CAST: variants seen among roughly 807,000 people sequenced by gnomAD.
CAST encodes calpastatin.
Under a neutral mutation model 119.6 loss-of-function variants are expected in CAST, and 76 were observed. That is an observed-to-expected ratio of 0.64 (90% CI 0.53 to 0.77). The LOEUF is 0.77. CAST is among the 30% of genes least tolerant of loss of function. The pLI is 0.00. For missense variants in CAST, 953 were observed against 946.5 expected, an observed-to-expected ratio of 1.01 and a Z score of -0.09; for synonymous variants, 319 against 331.6, an observed-to-expected ratio of 0.96 and a Z score of 0.41.
chr5:96,771,698 A>T lies in CAST; in HGVS notation c.*19A>T. 1 of 1,601,752 alleles carries T rather than the reference A, an allele frequency of 6.2e-7. No individual in the cohort carries two copies. Among genetic ancestry groups the T allele is most frequent in the Non-Finnish European group, 8.6e-7 (1 of 1,169,282 alleles). On this transcript the variant is annotated 3_prime_UTR_variant, in exon 31 of 32. Transcript: ENST00000675179. The stretch of plus-strand genomic sequence containing the variant: ...TGACTAAAGAAATACAAGTTAAGGT[A>T]TCTGGTAAGTTGGGTGTTTATTTGT...
the CAST span, among the ~76,000 whole-genome samples, chr5:96,336,311 A>G: frequency 1.3e-5 from 2 of 152,318 alleles, no homozygotes. Context: ...TTAGGTTAGT[A>G]TTATAAGGGA....
At chr5:96,624,548 C>T (rs73134551) in intron 1 of CAST, among the ~76,000 whole-genome samples, 4,070 of 152,272 alleles carry the variant, frequency 0.027, 191 homozygotes, top group African/African-American at 0.092. Context: ...TAAATGAGTA[C>T]TGCTAATATA....
chr5:96,032,045 A>T, the CAST span, among the ~76,000 whole-genome samples: 7 of 152,282 alleles, frequency 4.6e-5, no homozygotes, highest in Admixed American at 3.3e-4. Context: ...TCCCCACCAC[A>T]TGGTAACTGG....
the CAST span, among the ~76,000 whole-genome samples, chr5:95,991,379 A>G: frequency 6.6e-6 from 1 of 152,078 alleles, no homozygotes; most frequent in African/African-American, 2.4e-5. Context: ...AAGGTATTTT[A>G]AGGATAATAA....
the CAST span, among the ~76,000 whole-genome samples, chr5:96,279,852 A>G: frequency 6.6e-6 from 1 of 152,244 alleles, no homozygotes; most frequent in African/African-American, 2.4e-5. Context: ...AGTTCATCCA[A>G]GTTCAGTGGT....
chr5:96,189,097 A>G, the CAST span, among the ~76,000 whole-genome samples: 2 of 152,092 alleles, frequency 1.3e-5, no homozygotes, highest in East Asian at 3.8e-4. Context: ...CTGATTTTCT[A>G]TTTTAATTTG....
chr5:96,140,364 T>C, the CAST span, among the ~76,000 whole-genome samples: 1 of 152,256 alleles, frequency 6.6e-6, no homozygotes, highest in African/African-American at 2.4e-5. Context: ...TTAACCTTTC[T>C]TGATTTCTTC....
the CAST span, among the ~76,000 whole-genome samples, chr5:96,094,430 T>G: frequency 7.9e-5 from 12 of 152,072 alleles, no homozygotes; most frequent in Non-Finnish European, 1.5e-4. Context: ...TGACCTTTTT[T>G]TTTTTTTCCT....
chr5:96,745,020 C>T (rs979754434), intron 16 of CAST, among the ~76,000 whole-genome samples: 1 of 152,058 alleles, frequency 6.6e-6, no homozygotes, highest in African/African-American at 2.4e-5. Context: ...CATTTCAAGA[C>T]TATAAAGATC....
chr5:96,582,427 A>G (rs1746786414), intron 1 of CAST, among the ~76,000 whole-genome samples: 1 of 152,240 alleles, frequency 6.6e-6, no homozygotes, highest in Non-Finnish European at 1.5e-5. Context: ...CTTCATATTC[A>G]CAGTCACTCG....
chr5:96,163,470 C>A, the CAST span, among the ~76,000 whole-genome samples: 2 of 152,052 alleles, frequency 1.3e-5, no homozygotes, highest in Non-Finnish European at 2.9e-5. Context: ...TAATAAATAT[C>A]TTTGTTTGTA....
At chr5:96,546,791 C>G (rs955624329) in intron 1 of CAST, among the ~76,000 whole-genome samples, 1 of 152,120 alleles carries the variant, frequency 6.6e-6, no homozygotes, top group Non-Finnish European at 1.5e-5. Flanking sequence ...TTTTTTTCCA[C>G]TCTATAGTTC....
At chr5:96,690,860 T>G (rs1191362382) in intron 2 of CAST, among the ~76,000 whole-genome samples, 1 of 152,242 alleles carries the variant, frequency 6.6e-6, no homozygotes, top group Non-Finnish European at 1.5e-5. Flanking sequence ...TCTTGCCATT[T>G]TATAGGACAA....
Position 96,743,832 on chromosome 5 carries a change from CTTGAGGAAAGCGGGGTG to C in CAST, c.1200+1080_1200+1096del, listed in dbSNP as rs371249441. 2.8e-4 allele frequency: 256 copies of C among 928,592 alleles called. 3 individuals carry two copies. In the African/African-American group the frequency reaches 4.0e-3, roughly 15 times the overall value. 57.5% of individuals were successfully genotyped at this position (928,592 alleles called of 1,614,324 possible). On this transcript the variant is annotated intron_variant, in intron 16 of 31. Coordinates refer to ENST00000675179, the MANE Select transcript of CAST (RefSeq NM_001750.7). Reference sequence around the variant, plus strand: ...GAGTAGCCGACAGAAGCAGTGTCATCTTGAGGAAAGCGGGGTGTTGGCAGAATCCTGGGGGGAGTCAG... The same window carrying C: ...GAGTAGCCGACAGAAGCAGTGTCATCTTGGCAGAATCCTGGGGGGAGTCAG...
intron 1 of CAST, among the ~76,000 whole-genome samples, chr5:96,631,791 C>G (rs1184777297): frequency 1.3e-5 from 2 of 152,132 alleles, no homozygotes; most frequent in Non-Finnish European, 2.9e-5. Flanking sequence ...CTCGGCCTCC[C>G]AAAGTGCTGG....
At chr5:96,022,073 G>A in the CAST span, among the ~76,000 whole-genome samples, 65 of 152,248 alleles carry the variant, frequency 4.3e-4, 1 homozygote, top group South Asian at 0.011. Flanking sequence ...GTTGGGTATT[G>A]TAAAGAATCT....
intron 1 of CAST, among the ~76,000 whole-genome samples, chr5:96,615,318 G>A (rs938978050): frequency 6.6e-6 from 1 of 152,178 alleles, no homozygotes; most frequent in African/African-American, 2.4e-5. Context: ...AAGCCAAAGA[G>A]CAGCTGTACA....
intron 24 of CAST, among the ~76,000 whole-genome samples, chr5:96,758,339 C>T (rs536514298): frequency 1.3e-5 from 2 of 152,242 alleles, no homozygotes; most frequent in African/African-American, 4.8e-5. Context: ...CTCTGTTACT[C>T]GAAAAGTTTG....
the CAST span, among the ~76,000 whole-genome samples, chr5:96,125,928 C>T: frequency 2.0e-5 from 3 of 152,078 alleles, no homozygotes; most frequent in African/African-American, 7.2e-5. Flanking sequence ...TAGGAGAAAA[C>T]AGACTTTAAC....
Sources: allele counts gnomAD v4.1 joint callset (sites outside exome capture counted in the v4.1 genomes callset), GRCh38; gene constraint gnomAD v4.1.1; transcripts MANE v1.5; gene names NCBI Gene and HGNC (gene_info 2026-07-23, HGNC 2026-07-21).